The following KLF12 variants were observed in gnomAD, a reference collection of about 807,000 sequenced individuals.
KLF12 encodes Krueppel-like factor 12.
KLF12 carries 9 observed loss-of-function variants against 37.8 expected under a neutral mutation model. That is an observed-to-expected ratio of 0.24 (90% CI 0.14 to 0.42). The LOEUF (loss-of-function observed/expected upper bound fraction) is 0.42, where lower values mean the gene tolerates loss of function less well. Among genes scored for constraint, KLF12 ranks in the 10% least tolerant of loss-of-function variants. The probability of loss-of-function intolerance (pLI) is 1.00; values close to 1 mark genes in which losing one functional copy is unlikely to be tolerated. For missense variants in KLF12, 411 were observed against 516.0 expected (o/e 0.80, Z 1.97); for synonymous variants, 208 against 202.1 (o/e 1.03, Z -0.25).
the KLF12 span, among the ~76,000 whole-genome samples, chr13:74,291,635 C>A: frequency 6.6e-6 from 1 of 152,020 alleles, no homozygotes; most frequent in Non-Finnish European, 1.5e-5. Context: ...GGATTTTAAC[C>A]GGCAGAAAAA....
chr13:73,912,984 A>AC (rs60204722), intron 3 of KLF12, among the ~76,000 whole-genome samples: 83,668 of 151,498 alleles, frequency 0.55, 23,477 homozygotes, highest in African/African-American at 0.61. Context: ...CTCATGCGTT[A>AC]CCTTCTCCAA....
chr13:74,205,718 C>T, the KLF12 span, among the ~76,000 whole-genome samples: 78 of 152,032 alleles, frequency 5.1e-4, no homozygotes, highest in African/African-American at 1.7e-3. Context: ...AAGAGTCAAC[C>T]GAAACAAAGC....
chr13:74,264,240 A>C, the KLF12 span, among the ~76,000 whole-genome samples: 1,335 of 152,296 alleles, frequency 8.8e-3, 17 homozygotes, highest in African/African-American at 0.03. Context: ...CTGTTAGACA[A>C]ACTAAGTGGC....
chr13:74,133,692 A>G (rs1225447947), intron 1 of KLF12, among the ~76,000 whole-genome samples: 1 of 144,528 alleles, frequency 6.9e-6, no homozygotes, highest in Non-Finnish European at 1.5e-5. Flanking sequence ...AAAAAAAAAA[A>G]GAGGAGGGGG....
At chr13:73,840,242 T>C (rs1002673013) in intron 4 of KLF12, among the ~76,000 whole-genome samples, 1 of 152,184 alleles carries the variant, frequency 6.6e-6, no homozygotes, top group African/African-American at 2.4e-5. Context: ...ACTTTCCTCA[T>C]GAACAGATGA....
chr13:74,207,667 C>T, the KLF12 span, among the ~76,000 whole-genome samples: 1 of 151,942 alleles, frequency 6.6e-6, no homozygotes, highest in African/African-American at 2.4e-5. Flanking sequence ...AGTGAGACTC[C>T]ATCTCAAAAA....
the KLF12 span, among the ~76,000 whole-genome samples, chr13:74,275,657 A>C: frequency 6.6e-6 from 1 of 151,512 alleles, no homozygotes; most frequent in African/African-American, 2.4e-5. Flanking sequence ...TTTTTTATCA[A>C]AACTTTCCTG....
At chr13:74,065,723 T>C (rs1351339521) in intron 1 of KLF12, among the ~76,000 whole-genome samples, 1 of 151,932 alleles carries the variant, frequency 6.6e-6, no homozygotes, top group Non-Finnish European at 1.5e-5. Context: ...GTGAGGGAAG[T>C]GCATGAGCAA....
At chr13:73,747,407 G>A (rs896536883) in intron 6 of KLF12, among the ~76,000 whole-genome samples, 2 of 152,214 alleles carry the variant, frequency 1.3e-5, no homozygotes, top group African/African-American at 4.8e-5. Context: ...GTAGGTAAAG[G>A]AAAAGGACTG....
the KLF12 span, among the ~76,000 whole-genome samples, chr13:74,176,649 A>G: frequency 1.3e-5 from 2 of 152,156 alleles, no homozygotes; most frequent in Admixed American, 1.3e-4. Flanking sequence ...CTGCATTGAG[A>G]CATTCAGGTG....
chr13:73,721,599 C>T (rs987629356), intron 6 of KLF12, among the ~76,000 whole-genome samples: 5 of 152,206 alleles, frequency 3.3e-5, no homozygotes, highest in African/African-American at 4.8e-5. Flanking sequence ...GTTGCCCAAG[C>T]TGCAGTGCAG....
At chr13:74,174,772 T>G in the KLF12 span, among the ~76,000 whole-genome samples, 1 of 152,364 alleles carries the variant, frequency 6.6e-6, no homozygotes, top group African/African-American at 2.4e-5. Flanking sequence ...TCATTTTAGT[T>G]TGTTACTTTC....
At chr13:73,789,790 C>T (rs1239882948) in intron 5 of KLF12, among the ~76,000 whole-genome samples, 1 of 152,074 alleles carries the variant, frequency 6.6e-6, no homozygotes, top group Non-Finnish European at 1.5e-5. Context: ...CATTCTCCTG[C>T]CTCAGCCTCC....
At chr13:73,861,614 C>A (rs1885929547) in intron 3 of KLF12, among the ~76,000 whole-genome samples, 2 of 152,060 alleles carry the variant, frequency 1.3e-5, no homozygotes, top group Admixed American at 6.6e-5. Flanking sequence ...TTTAAAGAAA[C>A]CCTGGATTAA....
chr13:73,991,686 G>T (rs936837461), intron 2 of KLF12, among the ~76,000 whole-genome samples: 3 of 152,132 alleles, frequency 2.0e-5, no homozygotes, highest in Non-Finnish European at 2.9e-5. Context: ...GCCTCTTTTT[G>T]ATTCCACTTT....
chr13:73,759,854 G>T (rs1350031218), intron 6 of KLF12, among the ~76,000 whole-genome samples: 2 of 152,110 alleles, frequency 1.3e-5, no homozygotes. Flanking sequence ...TTAGATTTCT[G>T]AGAGATTTCC....
chr13:73,852,459 T>C (rs1000620277), intron 3 of KLF12, among the ~76,000 whole-genome samples: 1 of 152,170 alleles, frequency 6.6e-6, no homozygotes, highest in African/African-American at 2.4e-5. Context: ...AACTGCCTTA[T>C]ATCAATATGT....
intron 2 of KLF12, among the ~76,000 whole-genome samples, chr13:73,977,797 G>A (rs1891574847): frequency 6.6e-6 from 1 of 152,184 alleles, no homozygotes; most frequent in South Asian, 2.1e-4. Flanking sequence ...GAACAGAACA[G>A]AGTTCAGAAA....
At chr13:74,135,087 A>G (rs941932105), upstream of KLF12, among the ~76,000 whole-genome samples, 1 of 151,172 alleles carries the variant, frequency 6.6e-6, no homozygotes, top group African/African-American at 2.4e-5. Context: ...CGGGCGCGGC[A>G]GGCAGGGGAG....
Sources: gnomAD v4.1 joint callset for allele counts (sites outside exome capture counted in the v4.1 genomes callset) on GRCh38, gnomAD v4.1.1 for gene constraint, MANE v1.5 for transcripts, NCBI Gene and HGNC (gene_info 2026-07-23, HGNC 2026-07-21) for gene names.